The following LZIC variants were observed in gnomAD, a reference collection of about 807,000 sequenced individuals.
LZIC encodes protein LZIC.
LZIC carries 28 observed loss-of-function variants against 25.4 expected under a neutral mutation model. The observed-to-expected ratio is 1.10, with a 90% CI of 0.82 to 1.51. The LOEUF is 1.51. Among genes scored for constraint, LZIC ranks in the 40% most tolerant of loss-of-function variants. The pLI is 0.00. For synonymous variants in LZIC, 65 were observed against 70.7 expected, an observed-to-expected ratio of 0.92 and a Z score of 0.40; for missense variants, 170 against 211.1, an observed-to-expected ratio of 0.81 and a Z score of 1.21.
intron 2 of LZIC, among the ~76,000 whole-genome samples, chr1:9,939,100 C>T (rs1640579734): frequency 6.6e-6 from 1 of 152,034 alleles, no homozygotes; most frequent in Non-Finnish European, 1.5e-5. Context: ...TTTTTTTAGA[C>T]TGAGTCTTGC....
chr1:9,934,783 C>T lies in LZIC; in HGVS notation c.315G>A (p.Gln105=), dbSNP rs201654431. Residue 105 remains glutamine, a synonymous_variant, in exon 5 of 8, where the codon CAG becomes CAA. Coordinates refer to ENST00000377223, the MANE Select transcript of LZIC (RefSeq NM_032368.5). ...TTACCTCTGCTAACCTTGTCCGAAG[C>T]TGACCTGGTTGTTTCTTTGCAAACA... The part of the protein sequence containing the change: ...IRLFAKKQPG[Q]LRTRLAEMDR... The T allele has an allele frequency of 2.6e-5, 42 of 1,614,002 alleles. 1 individual carries two copies. The Middle Eastern group carries it at 6.6e-4, about 25-fold the overall frequency.
At position 9,935,587 on chromosome 1, in the gene LZIC, C is replaced by A; in HGVS notation, c.142G>T (p.Glu48Ter). 4 of 1,611,232 alleles carry A rather than the reference C, an allele frequency of 2.5e-6. No individual in the cohort carries two copies. Among genetic ancestry groups the A allele is most frequent in the Non-Finnish European group, 3.4e-6 (4 of 1,179,222 alleles). ...DTDEYEETKK[E>*]TLEQLSEFND... ...AATTCACTTAGTTGCTCCAGAGTTT[C>A]CTTTTTGGTTTCTTCATATTCATCT... Residue 48 changes from glutamate (E) to a stop codon, truncating the protein, a stop_gained, in exon 4 of 8, where the codon GAA (glutamate) becomes TAA (stop). Transcript: ENST00000377223. LOFTEE classifies it high-confidence loss of function.
At chr1:9,936,757 G>A (rs1640475699) in intron 2 of LZIC, 130 bp from the exon 3 acceptor site, 2 of 638,044 alleles carry the variant, frequency 3.1e-6, no homozygotes, top group Non-Finnish European at 2.7e-6. Flanking sequence ...CTGGCCTAAA[G>A]TGACCCTCCC....
chr1:9,929,518 C>A lies in LZIC; in HGVS notation c.*881G>T. 1.0e-6 allele frequency: 1 copy of A among 983,182 alleles called. No individual in the cohort carries two copies. The highest frequency in any genetic ancestry group is 1.8e-5 in the African/African-American group (1 of 56,390). The allele number at this position is 983,182 out of a possible 1,614,324, so 60.9% of individuals were successfully genotyped here. On this transcript the variant is annotated 3_prime_UTR_variant, in exon 8 of 8. Transcript: ENST00000377223. ...AAGAGTAGATAACAGCTGACAGTTA[C>A]CCCCCTCTGAGTGTGACAAGAGGTC... is the stretch of plus-strand genomic sequence containing the variant.
At chr1:9,943,135 G>A (rs1640848287) in intron 1 of LZIC, 114 bp downstream of exon 1, 1 of 175,842 alleles carries the variant, frequency 5.7e-6, no homozygotes, top group Non-Finnish European at 1.2e-5. Flanking sequence ...CCCACCCCAC[G>A]CGGGAACTTG....
At chr1:9,942,149 T>A (rs1052974842) in intron 2 of LZIC, among the ~76,000 whole-genome samples, 1 of 151,428 alleles carries the variant, frequency 6.6e-6, no homozygotes, top group Non-Finnish European at 1.5e-5. Context: ...ACTCCTGACC[T>A]CTGGTGATCC....
intron 7 of LZIC, among the ~76,000 whole-genome samples, chr1:9,931,456 G>T (rs1388536778): frequency 6.6e-6 from 1 of 152,046 alleles, no homozygotes; most frequent in Non-Finnish European, 1.5e-5. Flanking sequence ...TAGAGACAGG[G>T]TTTCACTGTA....
chr1:9,933,724 G>A (rs1319801108), intron 5 of LZIC, among the ~76,000 whole-genome samples: 2 of 151,962 alleles, frequency 1.3e-5, no homozygotes, highest in Admixed American at 6.6e-5. Context: ...TGGCCAACAT[G>A]GTGAAACCCT....
rs976776070 is a variant in LZIC, at chr1:9,929,576, T to C, written c.*823A>G. 6 of 985,338 alleles carry C rather than the reference T, an allele frequency of 6.1e-6. No homozygotes were observed. Among genetic ancestry groups the C allele is most frequent in the Non-Finnish European group, 7.2e-6 (6 of 829,944 alleles). The allele number at this position is 985,338 out of a possible 1,614,324, so 61.0% of individuals were successfully genotyped here. A position where few individuals can be genotyped will look rare whatever the true frequency, so the allele number is the denominator to read the frequency against. ...GGGAGGGCCTCTAGCTGCCATTTCCTGTTGCTTCCCTGGTCAAACAACGCA... is the reference window on the plus strand; with the variant it reads ...GGGAGGGCCTCTAGCTGCCATTTCCCGTTGCTTCCCTGGTCAAACAACGCA... On this transcript the variant is annotated 3_prime_UTR_variant, in exon 8 of 8. Coordinates refer to ENST00000377223, the MANE Select transcript of LZIC (RefSeq NM_032368.5).
downstream of LZIC, among the ~76,000 whole-genome samples, chr1:9,922,654 G>T (rs1359218244): frequency 6.6e-6 from 1 of 152,216 alleles, no homozygotes; most frequent in Admixed American, 6.5e-5. Context: ...AGAACAGAAA[G>T]AGGCACTTAT....
At chr1:9,939,373 C>T (rs11121504) in intron 2 of LZIC, among the ~76,000 whole-genome samples, 35,030 of 133,136 alleles carry the variant, frequency 0.26, 5,870 homozygotes, top group African/African-American at 0.47. Context: ...TTTTTTTTTT[C>T]TTTTTTTTTT....
rs1168257574 is a variant in LZIC at position 9,928,646 on chromosome 1, G to A, written c.*1753C>T. ...AATCCCAGCACTTTGGGAGGCCGAG[G>A]CAGTTGGATCACCTGAGGTCAGCTC... is the stretch of plus-strand genomic sequence containing the variant. On this transcript the variant is annotated 3_prime_UTR_variant, in exon 8 of 8. Coordinates refer to ENST00000377223, the MANE Select transcript of LZIC (RefSeq NM_032368.5). Among the ~76,000 whole-genome samples, 2 of 152,096 alleles carry A rather than the reference G, an allele frequency of 1.3e-5. No homozygotes were observed. Among genetic ancestry groups the A allele is most frequent in the Non-Finnish European group, 2.9e-5 (2 of 68,024 alleles).
At chr1:9,922,825 CAT>C (rs983990735), downstream of LZIC, among the ~76,000 whole-genome samples, 3 of 152,162 alleles carry the variant, frequency 2.0e-5, no homozygotes, top group Non-Finnish European at 2.9e-5. Flanking sequence ...GAGTAGGAAA[CAT>C]ATAGAAGCAG....
At chr1:9,924,765 C>CA (rs1639939189), downstream of LZIC, among the ~76,000 whole-genome samples, 1 of 152,036 alleles carries the variant, frequency 6.6e-6, no homozygotes, top group Non-Finnish European at 1.5e-5. Flanking sequence ...GGGGAAAAAA[C>CA]AACAACAACA....
chr1:9,930,146 A>G lies in LZIC; in HGVS notation c.*253T>C. 1 of 1,235,730 alleles carries G rather than the reference A, an allele frequency of 8.1e-7. No homozygotes were observed. Among genetic ancestry groups the G allele is most frequent in the Non-Finnish European group, 1.0e-6 (1 of 982,412 alleles). The allele number at this position is 1,235,730 out of a possible 1,614,324, so 76.5% of individuals were successfully genotyped here. A position where few individuals can be genotyped will look rare whatever the true frequency, so the allele number is the denominator to read the frequency against. ...ACTTTGTTTTCTCTCTTAAACAGAC[A>G]AATCATAACGAACAGAGTCCAGTGA... On this transcript the variant is annotated 3_prime_UTR_variant, in exon 8 of 8. Coordinates refer to ENST00000377223, the MANE Select transcript of LZIC (RefSeq NM_032368.5).
chr1:9,930,601 T>A lies in LZIC; in HGVS notation c.515-144A>T, dbSNP rs543763997. The A allele has an allele frequency of 5.6e-5, 62 of 1,112,662 alleles. No individual in the cohort carries two copies. In the East Asian group the frequency reaches 1.6e-3, roughly 29 times the overall value. 68.9% of individuals were successfully genotyped at this position (1,112,662 alleles called of 1,614,324 possible). A position where few individuals can be genotyped will look rare whatever the true frequency, so the allele number is the denominator to read the frequency against. ...TTATCAGTGTATTAACCCCTACACG[T>A]TCCCATTGCCATCCCAATTTCCTTC... On this transcript the variant is annotated intron_variant, in intron 7 of 7. Transcript: ENST00000377223.
rs1164898273 is a variant in LZIC, at chr1:9,928,918, G to C, written c.*1481C>G. The stretch of plus-strand genomic sequence containing the variant: ...ATATTATGCTAAGTGAAAGAAGCCA[G>C]ATACATAAAAAGGTCACATATCATA... On this transcript the variant is annotated 3_prime_UTR_variant, in exon 8 of 8. Coordinates refer to ENST00000377223, the MANE Select transcript of LZIC (RefSeq NM_032368.5). The C allele has an allele frequency of 6.6e-6, 1 of 150,718 alleles. No individual in the cohort carries two copies. The highest frequency in any genetic ancestry group is 1.5e-5 in the Non-Finnish European group (1 of 67,800). The allele number at this position is 150,718 out of a possible 1,614,324, so 9.3% of individuals were successfully genotyped here. A position where few individuals can be genotyped will look rare whatever the true frequency, so the allele number is the denominator to read the frequency against.
At chr1:9,933,712 C>A (rs1640334832) in intron 5 of LZIC, among the ~76,000 whole-genome samples, 1 of 151,922 alleles carries the variant, frequency 6.6e-6, no homozygotes, top group African/African-American at 2.4e-5. Context: ...TCAAGACTAT[C>A]CTGGCCAACA....
At chr1:9,932,389 C>T (rs1640261705) in intron 6 of LZIC, among the ~76,000 whole-genome samples, 1 of 148,934 alleles carries the variant, frequency 6.7e-6, no homozygotes, top group Non-Finnish European at 1.5e-5. Flanking sequence ...GGTGCGGTGG[C>T]TCACACCTGC....
Sources: gnomAD v4.1 joint callset for allele counts (sites outside exome capture counted in the v4.1 genomes callset) on GRCh38, gnomAD v4.1.1 for gene constraint, MANE v1.5 for transcripts, NCBI Gene and HGNC (gene_info 2026-07-23, HGNC 2026-07-21) for gene names.